Variants in IMPACT observed in about 807,000 individuals in gnomAD.
IMPACT encodes protein IMPACT.
In IMPACT, 35 loss-of-function variants were observed where a neutral mutation model predicts 47.5. The ratio of observed to expected loss-of-function variants is 0.74; its 90% CI spans 0.56 to 0.98. The LOEUF (loss-of-function observed/expected upper bound fraction) is 0.98. Ranked by LOEUF, IMPACT falls within the 50% of genes least tolerant of loss-of-function variation. The probability of loss-of-function intolerance (pLI) is 0.00; values close to 1 mark genes in which losing one functional copy is unlikely to be tolerated. For synonymous variants in IMPACT, 118 were observed against 125.6 expected (o/e 0.94, Z 0.40); for missense variants, 373 against 394.8 (o/e 0.94, Z 0.47).
chr18:24,426,753 C>T lies in IMPACT; in HGVS notation c.-4C>T, dbSNP rs1908618188. 8.0e-7 allele frequency: 1 copy of T among 1,244,276 alleles called. No individual in the cohort carries two copies. The allele number at this position is 1,244,276 out of a possible 1,614,324, so 77.1% of individuals were successfully genotyped here. On this transcript the variant is annotated 5_prime_UTR_variant, in exon 1 of 11. Coordinates refer to ENST00000284202, the MANE Select transcript of IMPACT (RefSeq NM_018439.4). ...GGCGGCTGCAGGGCAGGTCCAGGGGCCACATGGCTGAGGGGGACGCAGGGA... is the reference window on the plus strand; with the variant it reads ...GGCGGCTGCAGGGCAGGTCCAGGGGTCACATGGCTGAGGGGGACGCAGGGA...
Position 24,440,508 on chromosome 18 carries a change from A to G in IMPACT, c.380A>G (p.Lys127Arg). Reference protein sequence around the residue: ...SQMTEPGPDVKKKTEEEDVEC... With the variant: ...SQMTEPGPDVRKKTEEEDVEC... ...CATATTCACATAGGCCCAGATGTAA[A>G]GAAGAAAACTGAAGAGGAAGATGTT... Residue 127 changes from lysine (K) to arginine (R), a missense_variant, in exon 6 of 11, where the codon AAG becomes AGG. By Grantham distance (26) the Lys-to-Arg change is conservative. Coordinates refer to ENST00000284202, the MANE Select transcript of IMPACT (RefSeq NM_018439.4). 6.2e-7 allele frequency: 1 copy of G among 1,613,014 alleles called. No homozygotes were observed. Among genetic ancestry groups the G allele is most frequent in the South Asian group, 1.1e-5 (1 of 90,858 alleles).
At chr18:24,427,699 C>T in intron 1 of IMPACT, 1 of 501,684 alleles carries the variant, frequency 2.0e-6, no homozygotes, top group Non-Finnish European at 3.5e-6. Context: ...CACAGTAATG[C>T]AGTAGCAAGG....
intron 1 of IMPACT, 39 bp from the exon 2 acceptor site, chr18:24,427,880 T>A: frequency 1.3e-6 from 2 of 1,560,242 alleles, no homozygotes; most frequent in Non-Finnish European, 1.7e-6. Context: ...TTTTAAGATG[T>A]GTACATTTGT....
chr18:24,431,008 T>C (rs1334059125), intron 4 of IMPACT, among the ~76,000 whole-genome samples: 1 of 152,210 alleles, frequency 6.6e-6, no homozygotes, highest in Non-Finnish European at 1.5e-5. Context: ...TCAATAAATA[T>C]TACATGGCAG....
Position 24,443,006 on chromosome 18 carries a change from A to G in IMPACT, c.491-43A>G, listed in dbSNP as rs961793176. ...CCATTTCATTTTTTTCAGTATTTGA[A>G]TGTAAGGCTTTTTAAAAAATAAAGT... On this transcript the variant is annotated intron_variant, in intron 6 of 10. Coordinates refer to ENST00000284202, the MANE Select transcript of IMPACT (RefSeq NM_018439.4). 3.7e-6 allele frequency: 4 copies of G among 1,069,934 alleles called. No individual in the cohort carries two copies. In the African/African-American group the frequency reaches 6.4e-5, roughly 17 times the overall value. The allele number at this position is 1,069,934 out of a possible 1,614,324, so 66.3% of individuals were successfully genotyped here. A position where few individuals can be genotyped will look rare whatever the true frequency, so the allele number is the denominator to read the frequency against.
At chr18:24,427,257 A>G (rs539051824) in intron 1 of IMPACT, 1 of 162,122 alleles carries the variant, frequency 6.2e-6, no homozygotes, top group East Asian at 1.8e-4. Context: ...GTGGGCGATC[A>G]TAAGTCTTTT....
At chr18:24,428,781 C>A in intron 2 of IMPACT, 88 bp from the exon 3 acceptor site, 1 of 1,002,570 alleles carries the variant, frequency 1.0e-6, no homozygotes. Flanking sequence ...TCCTCCTTGC[C>A]TTTTTTGTCC....
intron 4 of IMPACT, among the ~76,000 whole-genome samples, chr18:24,434,571 G>T (rs1213938539): frequency 6.6e-6 from 1 of 151,798 alleles, no homozygotes; most frequent in Non-Finnish European, 1.5e-5. Context: ...TCAGGAGTTC[G>T]AAACCAGCCT....
Position 24,448,098 on chromosome 18 carries a change from A to G in IMPACT, c.674A>G (p.Tyr225Cys), listed in dbSNP as rs1326209641. The change falls in exon 9 of 11, where the codon TAT becomes TGT. Residue 225 changes from tyrosine to cysteine, a missense_variant. By Grantham distance (194) the Tyr-to-Cys change is radical. Transcript: ENST00000284202. ...ACTCTTACATGTATTTGCAGAATAT[A>G]TTGTGAGGATAAACAGACCTTCTTA... ...ATHNIYAYRIYCEDKQTFLQD... is the reference protein window; with the variant it reads ...ATHNIYAYRICCEDKQTFLQD... The G allele has an allele frequency of 1.2e-6, 2 of 1,603,712 alleles. No individual in the cohort carries two copies. The highest frequency in any genetic ancestry group is 2.2e-5 in the East Asian group (1 of 44,766).
intron 8 of IMPACT, among the ~76,000 whole-genome samples, chr18:24,447,809 A>C (rs1161056710): frequency 1.3e-5 from 2 of 152,312 alleles, no homozygotes; most frequent in East Asian, 3.9e-4. Flanking sequence ...TAAATGAAGT[A>C]AGGGGAATGT....
intron 5 of IMPACT, 55 bp from the exon 6 acceptor site, chr18:24,440,441 A>T: frequency 1.3e-6 from 2 of 1,577,554 alleles, no homozygotes; most frequent in South Asian, 2.3e-5. Context: ...TTTTTTTTTA[A>T]AAAGCATCGT....
chr18:24,447,793 C>G (rs1421195872), intron 8 of IMPACT, among the ~76,000 whole-genome samples: 1 of 152,024 alleles, frequency 6.6e-6, no homozygotes, highest in Non-Finnish European at 1.5e-5. Flanking sequence ...CTTGTTACTT[C>G]AAGGTTAAAT....
intron 9 of IMPACT, among the ~76,000 whole-genome samples, chr18:24,449,122 A>C (rs2144350552): frequency 6.6e-6 from 1 of 152,316 alleles, no homozygotes; most frequent in African/African-American, 2.4e-5. Context: ...GCACTTTGGG[A>C]AGCTGAGGCG....
At chr18:24,450,058 G>C in intron 10 of IMPACT, 105 bp downstream of exon 10, 1 of 1,257,384 alleles carries the variant, frequency 8.0e-7, no homozygotes, top group Non-Finnish European at 1.1e-6. Flanking sequence ...GTGGTGAATT[G>C]GTAAAACCTT....
intron 4 of IMPACT, among the ~76,000 whole-genome samples, chr18:24,435,828 G>A (rs779559428): frequency 2.7e-5 from 4 of 146,390 alleles, no homozygotes; most frequent in African/African-American, 4.9e-5. Flanking sequence ...ATAGGTACCC[G>A]TTGAAGTTAG....
intron 5 of IMPACT, among the ~76,000 whole-genome samples, chr18:24,438,461 C>G (rs547704706): frequency 1.9e-4 from 29 of 152,334 alleles, no homozygotes; most frequent in African/African-American, 6.7e-4. Context: ...TTTCTCTTTA[C>G]TCTCCTTTAG....
chr18:24,433,604 G>A (rs531977494), intron 4 of IMPACT, among the ~76,000 whole-genome samples: 1 of 151,416 alleles, frequency 6.6e-6, no homozygotes, highest in East Asian at 1.9e-4. Context: ...CTCCTGAGTA[G>A]CTGGGACTAC....
chr18:24,436,806 C>G (rs1908957952), intron 4 of IMPACT, among the ~76,000 whole-genome samples: 1 of 152,086 alleles, frequency 6.6e-6, no homozygotes, highest in East Asian at 1.9e-4. Flanking sequence ...CCACCCCGGC[C>G]CACCAAAGTG....
chr18:24,440,373 G>T, intron 5 of IMPACT, 123 bp from the exon 6 acceptor site: 1 of 935,730 alleles, frequency 1.1e-6, no homozygotes, highest in East Asian at 2.8e-5. Context: ...GTTCTCCTAC[G>T]GGCTGAGTGC....
Sources: allele counts gnomAD v4.1 joint callset (sites outside exome capture counted in the v4.1 genomes callset), GRCh38; gene constraint gnomAD v4.1.1; transcripts MANE v1.5; gene names NCBI Gene and HGNC (gene_info 2026-07-23, HGNC 2026-07-21).